Variants in SORCS1 observed in about 807,000 individuals in gnomAD.
The protein encoded by SORCS1 is VPS10 domain-containing receptor SorCS1.
Under a neutral mutation model 146.1 loss-of-function variants are expected in SORCS1, and 60 were observed. The observed-to-expected ratio is 0.41, with a 90% confidence interval of 0.33 to 0.51. SORCS1 has a LOEUF of 0.51. Ranked by LOEUF, SORCS1 falls within the 20% of genes least tolerant of loss-of-function variation. The pLI, the probability that SORCS1 is intolerant of heterozygous loss-of-function variation, is 0.21. For synonymous variants in SORCS1, 637 were observed against 584.0 expected, an observed-to-expected ratio of 1.09 and a Z score of -1.31; for missense variants, 1,352 against 1,487.6, an observed-to-expected ratio of 0.91 and a Z score of 1.50.
chr10:106,877,974 A>C (rs2137670241), intron 2 of SORCS1, among the ~76,000 whole-genome samples: 1 of 152,238 alleles, frequency 6.6e-6, no homozygotes, highest in Admixed American at 6.5e-5. Flanking sequence ...CCTTAGTCAT[A>C]ATCTCTACCC....
At chr10:106,961,962 T>C (rs1002806428) in intron 1 of SORCS1, among the ~76,000 whole-genome samples, 1 of 152,178 alleles carries the variant, frequency 6.6e-6, no homozygotes, top group Non-Finnish European at 1.5e-5. Flanking sequence ...TTGAATTCTT[T>C]CCTGAGTGAA....
chr10:106,941,618 C>G (rs1003729347), intron 2 of SORCS1, among the ~76,000 whole-genome samples: 3 of 152,170 alleles, frequency 2.0e-5, no homozygotes, highest in African/African-American at 4.8e-5. Flanking sequence ...ATGAACAATA[C>G]CAAGGAATGT....
intron 2 of SORCS1, among the ~76,000 whole-genome samples, chr10:106,892,685 G>A (rs1322432406): frequency 6.6e-6 from 1 of 152,120 alleles, no homozygotes; most frequent in Non-Finnish European, 1.5e-5. Flanking sequence ...CCCTGCCAGA[G>A]TTCATAGTGT....
intron 1 of SORCS1, among the ~76,000 whole-genome samples, chr10:107,063,957 C>G (rs1961491043): frequency 6.6e-6 from 1 of 152,140 alleles, no homozygotes; most frequent in Non-Finnish European, 1.5e-5. Context: ...AGATATCAGA[C>G]TTAAAATATT....
chr10:106,782,618 T>C (rs1183670453), intron 3 of SORCS1, among the ~76,000 whole-genome samples: 2 of 152,208 alleles, frequency 1.3e-5, no homozygotes, highest in Non-Finnish European at 2.9e-5. Context: ...GTTACAGTCC[T>C]TGGAAGATGA....
At chr10:106,934,682 G>A (rs1953615803) in intron 2 of SORCS1, among the ~76,000 whole-genome samples, 1 of 152,142 alleles carries the variant, frequency 6.6e-6, no homozygotes, top group African/African-American at 2.4e-5. Context: ...CAACGATTGA[G>A]TGTATAAAGA....
At chr10:107,064,163 C>T (rs1328231) in intron 1 of SORCS1, among the ~76,000 whole-genome samples, 9,687 of 152,188 alleles carry the variant, frequency 0.064, 950 homozygotes, top group African/African-American at 0.22. Context: ...TCTATTTTAA[C>T]ATGTAAACAT....
intron 2 of SORCS1, among the ~76,000 whole-genome samples, chr10:106,852,046 A>G (rs1284485606): frequency 6.6e-6 from 1 of 152,168 alleles, no homozygotes; most frequent in Non-Finnish European, 1.5e-5. Flanking sequence ...ATATTGTACA[A>G]TCTTGCTACA....
intron 18 of SORCS1, among the ~76,000 whole-genome samples, chr10:106,647,092 C>G (rs1337376720): frequency 6.8e-6 from 1 of 148,038 alleles, no homozygotes; most frequent in Non-Finnish European, 1.5e-5. Flanking sequence ...AGTATCTTTG[C>G]TATTCTTCAG....
intron 3 of SORCS1, among the ~76,000 whole-genome samples, chr10:106,785,494 G>A (rs1368688805): frequency 2.0e-5 from 3 of 152,216 alleles, no homozygotes; most frequent in African/African-American, 7.2e-5. Flanking sequence ...AATCTGTCCA[G>A]TGATGGTTTA....
At chr10:106,905,375 G>A (rs909683799) in intron 2 of SORCS1, among the ~76,000 whole-genome samples, 1 of 151,870 alleles carries the variant, frequency 6.6e-6, no homozygotes, top group Non-Finnish European at 1.5e-5. Context: ...GAAAATCTAG[G>A]TGGAATAAAT....
At chr10:106,761,480 C>T (rs1046196905) in intron 5 of SORCS1, 108 bp downstream of exon 5, 60 of 915,598 alleles carry the variant, frequency 6.6e-5, no homozygotes, top group Admixed American at 1.3e-4. Context: ...CCAATAAGAA[C>T]AGACCTTATG....
At chr10:106,578,586 C>T (rs750569189) in intron 25 of SORCS1, 3 of 917,094 alleles carry the variant, frequency 3.3e-6, no homozygotes, top group Non-Finnish European at 3.9e-6. Context: ...AAAAAAATTC[C>T]CTGGAGGATC....
intron 1 of SORCS1, among the ~76,000 whole-genome samples, chr10:107,038,009 TAG>T (rs1448919361): frequency 6.6e-6 from 1 of 152,246 alleles, no homozygotes; most frequent in African/African-American, 2.4e-5. Context: ...GTATTTTTAG[TAG>T]AGACAGGGTT....
chr10:106,903,568 ATTGT>A (rs1951802867), intron 2 of SORCS1, among the ~76,000 whole-genome samples: 1 of 152,238 alleles, frequency 6.6e-6, no homozygotes, highest in Non-Finnish European at 1.5e-5. Context: ...ATTAATGAAC[ATTGT>A]TTGTTTTGGA....
intron 1 of SORCS1, among the ~76,000 whole-genome samples, chr10:107,011,934 G>A (rs958978944): frequency 3.9e-5 from 6 of 152,132 alleles, no homozygotes; most frequent in Non-Finnish European, 1.5e-5. Flanking sequence ...GTAAGGACTG[G>A]TGAAATAAGG....
chr10:106,687,893 A>T (rs1309094793), intron 10 of SORCS1, among the ~76,000 whole-genome samples: 1 of 152,162 alleles, frequency 6.6e-6, no homozygotes, highest in African/African-American at 2.4e-5. Context: ...GTGTATCCTC[A>T]CCAGGGATAG....
intron 3 of SORCS1, among the ~76,000 whole-genome samples, chr10:106,822,787 T>TGTTTGTTTGTTTG: frequency 7.2e-6 from 1 of 139,600 alleles, no homozygotes; most frequent in African/African-American, 3.2e-5. Context: ...GTGTGGTTTT[T>TGTTTGTTTGTTTG]TTTTTTTTTT....
At chr10:106,663,952 C>A (rs1304887437) in intron 17 of SORCS1, among the ~76,000 whole-genome samples, 2 of 152,204 alleles carry the variant, frequency 1.3e-5, no homozygotes, top group Non-Finnish European at 2.9e-5. Context: ...TTTACCATAC[C>A]CGCTGATGGC....
Sources: gnomAD v4.1 joint callset for allele counts (sites outside exome capture counted in the v4.1 genomes callset) on GRCh38, gnomAD v4.1.1 for gene constraint, MANE v1.5 for transcripts, NCBI Gene and HGNC (gene_info 2026-07-23, HGNC 2026-07-21) for gene names.